NBEA: variants seen among roughly 807,000 people sequenced by gnomAD.
NBEA encodes lysosomal-trafficking regulator 2.
A neutral mutation model predicts 343.4 loss-of-function variants in NBEA; 44 were observed. The observed-to-expected ratio is 0.13, with a 90% confidence interval of 0.10 to 0.16. The LOEUF (loss-of-function observed/expected upper bound fraction) is 0.16, where lower values mean the gene tolerates loss of function less well. Ranked by LOEUF, NBEA falls within the 10% of genes least tolerant of loss-of-function variation. The pLI is 1.00. For synonymous variants in NBEA, 1,175 were observed against 1,238.7 expected (o/e 0.95, Z 1.08); for missense variants, 2,555 against 3,631.3 (o/e 0.70, Z 7.62).
chr13:35,542,143 T>A (rs1468923338), intron 41 of NBEA, among the ~76,000 whole-genome samples: 1 of 98,258 alleles, frequency 1.0e-5, no homozygotes, highest in Non-Finnish European at 2.1e-5. Flanking sequence ...AATTGTAGGA[T>A]GTTTTGACAC....
intron 55 of NBEA, among the ~76,000 whole-genome samples, chr13:35,657,440 C>G (rs1016621202): frequency 6.6e-6 from 1 of 152,176 alleles, no homozygotes. Context: ...ACATTATGCT[C>G]TAAATACCAG....
intron 38 of NBEA, among the ~76,000 whole-genome samples, chr13:35,427,046 C>T (rs1467298018): frequency 6.6e-6 from 1 of 151,988 alleles, no homozygotes; most frequent in Admixed American, 6.5e-5. Flanking sequence ...AATTTTTTTT[C>T]AAAGTCTTTA....
chr13:35,096,882 G>T (rs894356872), intron 10 of NBEA, among the ~76,000 whole-genome samples: 40 of 151,852 alleles, frequency 2.6e-4, no homozygotes, highest in Non-Finnish European at 3.7e-4. Context: ...GAGATTCCTT[G>T]GTAGTTGTAT....
At chr13:35,091,743 T>C (rs1324499029) in intron 10 of NBEA, among the ~76,000 whole-genome samples, 3 of 152,132 alleles carry the variant, frequency 2.0e-5, no homozygotes, top group African/African-American at 7.2e-5. Flanking sequence ...ACAAAACATG[T>C]ACAGGATGTG....
chr13:35,257,214 T>C (rs1178443895), intron 34 of NBEA, among the ~76,000 whole-genome samples: 1 of 152,246 alleles, frequency 6.6e-6, no homozygotes, highest in Non-Finnish European at 1.5e-5. Flanking sequence ...GTAAAGTGGA[T>C]AAGTTTAACT....
At chr13:35,000,446 C>A (rs191973839) in intron 1 of NBEA, among the ~76,000 whole-genome samples, 2 of 152,076 alleles carry the variant, frequency 1.3e-5, no homozygotes, top group Non-Finnish European at 2.9e-5. Context: ...AATAAATCTA[C>A]ATGTAAACTG....
rs544554523 is a variant in NBEA, at chr13:35,188,346, G to C, written c.4927+4275G>C. On this transcript the variant is annotated intron_variant, in intron 30 of 58. Coordinates refer to ENST00000379939, the MANE Select transcript of NBEA (RefSeq NM_001385012.1). ...ACTATAGTCACCATGCTGGAAAATA[G>C]ATCACCAGCATTGATTCCGTCTCTG... Among the ~76,000 whole-genome samples, 4 of 151,606 alleles carry C rather than the reference G, an allele frequency of 2.6e-5. No individual in the cohort carries two copies. The East Asian group carries it at 5.8e-4, about 22-fold the overall frequency.
At chr13:35,362,112 T>G (rs915524233) in intron 38 of NBEA, among the ~76,000 whole-genome samples, 2 of 152,036 alleles carry the variant, frequency 1.3e-5, no homozygotes, top group Non-Finnish European at 2.9e-5. Context: ...GATTATTCAG[T>G]TGTCAACACT....
intron 6 of NBEA, among the ~76,000 whole-genome samples, chr13:35,052,623 A>T (rs1186086689): frequency 6.7e-6 from 1 of 150,132 alleles, no homozygotes; most frequent in African/African-American, 2.4e-5. Flanking sequence ...GTTTATTTTT[A>T]TTTTCTTTAG....
intron 41 of NBEA, chr13:35,475,703 G>T: frequency 6.2e-7 from 1 of 1,613,638 alleles, no homozygotes. Context: ...ACCACATCCC[G>T]GTAGCTACAT....
At chr13:35,334,335 T>A (rs1004971275) in intron 36 of NBEA, among the ~76,000 whole-genome samples, 3 of 152,146 alleles carry the variant, frequency 2.0e-5, no homozygotes, top group African/African-American at 7.2e-5. Context: ...AATGGCATGA[T>A]CTTAGCTCAC....
chr13:35,493,552 A>G (rs760803390), intron 41 of NBEA, among the ~76,000 whole-genome samples: 5 of 152,002 alleles, frequency 3.3e-5, no homozygotes, highest in Admixed American at 2.0e-4. Context: ...TATTTGAAGT[A>G]TGTAAAACTG....
At chr13:35,559,870 G>T (rs568865947) in intron 44 of NBEA, among the ~76,000 whole-genome samples, 1 of 149,358 alleles carries the variant, frequency 6.7e-6, no homozygotes, top group East Asian at 2.0e-4. Flanking sequence ...GGCGGAGCTT[G>T]CAGGGAGCCG....
At chr13:35,098,569 T>TTAA (rs2065455437) in intron 11 of NBEA, among the ~76,000 whole-genome samples, 164 bp downstream of exon 11, 1 of 152,184 alleles carries the variant, frequency 6.6e-6, no homozygotes, top group Non-Finnish European at 1.5e-5. Context: ...TGGAATTAAC[T>TTAA]GGGTATCGGA....
intron 26 of NBEA, among the ~76,000 whole-genome samples, chr13:35,172,864 A>G (rs763527388): frequency 3.9e-5 from 6 of 152,118 alleles, no homozygotes; most frequent in Non-Finnish European, 8.8e-5. Flanking sequence ...CAAACTCTGT[A>G]CTACTTGTTA....
chr13:35,133,563 C>T (rs2067545682), intron 17 of NBEA, among the ~76,000 whole-genome samples: 1 of 151,914 alleles, frequency 6.6e-6, no homozygotes, highest in Non-Finnish European at 1.5e-5. Context: ...TTGGAAACAA[C>T]ATAGAATAGG....
chr13:34,962,224 G>A (rs964281014), intron 1 of NBEA, among the ~76,000 whole-genome samples: 1 of 152,014 alleles, frequency 6.6e-6, no homozygotes, highest in African/African-American at 2.4e-5. Flanking sequence ...AGTATAGAAA[G>A]AAACTAAAAT....
At chr13:35,505,983 T>C (rs1474616784) in intron 41 of NBEA, among the ~76,000 whole-genome samples, 2 of 152,326 alleles carry the variant, frequency 1.3e-5, no homozygotes, top group East Asian at 3.9e-4. Flanking sequence ...GAAATCAAAT[T>C]CCTTTAATCA....
At chr13:34,945,371 A>G (rs960760074) in intron 1 of NBEA, among the ~76,000 whole-genome samples, 16 of 152,096 alleles carry the variant, frequency 1.1e-4, no homozygotes, top group African/African-American at 3.1e-4. Context: ...TTAGGGCTTT[A>G]TTGTCCAATA....
Sources: allele counts gnomAD v4.1 joint callset (sites outside exome capture counted in the v4.1 genomes callset), GRCh38; gene constraint gnomAD v4.1.1; transcripts MANE v1.5; gene names NCBI Gene and HGNC (gene_info 2026-07-23, HGNC 2026-07-21).